Variants in RARB observed in about 807,000 individuals in gnomAD.
RARB encodes the protein HBV-activated protein.
Under a neutral mutation model 51.9 loss-of-function variants are expected in RARB, and 17 were observed. That is an observed-to-expected ratio of 0.33 (90% CI 0.22 to 0.49). The LOEUF is 0.49. Among genes scored for constraint, RARB ranks in the 20% least tolerant of loss-of-function variants. The probability of loss-of-function intolerance (pLI) is 0.99; values close to 1 mark genes in which losing one functional copy is unlikely to be tolerated. For synonymous variants in RARB, 215 were observed against 195.4 expected (o/e 1.10, Z -0.84); for missense variants, 369 against 550.8 (o/e 0.67, Z 3.30).
intron 5 of RARB, among the ~76,000 whole-genome samples, chr3:25,286,131 A>T (rs573204633): frequency 8.3e-6 from 1 of 119,874 alleles, no homozygotes; most frequent in Non-Finnish European, 1.6e-5. Flanking sequence ...CTCTGTCACC[A>T]AGGCTGGAGT....
At chr3:25,484,591 TATAAC>T (rs1406353844) in intron 2 of RARB, among the ~76,000 whole-genome samples, 3 of 152,196 alleles carry the variant, frequency 2.0e-5, no homozygotes, top group Non-Finnish European at 2.9e-5. Flanking sequence ...AAAAAATTAA[TATAAC>T]ATATGAAAAT....
chr3:25,008,351 C>G (rs549217859), intron 2 of RARB, among the ~76,000 whole-genome samples: 1 of 152,280 alleles, frequency 6.6e-6, no homozygotes, highest in Admixed American at 6.5e-5. Flanking sequence ...GACCGCTCCT[C>G]TGACTTGAAT....
chr3:25,081,604 TATATATATA>T (rs1456261184), intron 3 of RARB, among the ~76,000 whole-genome samples: 8 of 14,822 alleles, frequency 5.4e-4, no homozygotes, highest in East Asian at 2.2e-3. Context: ...TATATATATA[TATATATATA>T]TATATATATT....
chr3:25,487,698 T>C (rs1696537901), intron 2 of RARB, among the ~76,000 whole-genome samples: 1 of 152,200 alleles, frequency 6.6e-6, no homozygotes, highest in African/African-American at 2.4e-5. Flanking sequence ...AAATTACACA[T>C]TAATTCAGAA....
intron 5 of RARB, among the ~76,000 whole-genome samples, chr3:25,277,034 G>C (rs1253391243): frequency 1.3e-5 from 2 of 152,108 alleles, no homozygotes; most frequent in Non-Finnish European, 2.9e-5. Context: ...AAAAGAAATA[G>C]GAATGAGGAG....
chr3:25,377,976 T>C (rs1706513816), intron 5 of RARB, among the ~76,000 whole-genome samples: 1 of 152,138 alleles, frequency 6.6e-6, no homozygotes, highest in Non-Finnish European at 1.5e-5. Flanking sequence ...AATTCAAAAA[T>C]ATTTGTTAGG....
intron 2 of RARB, among the ~76,000 whole-genome samples, chr3:24,993,655 A>ATCCT (rs535425039): frequency 1.6e-4 from 25 of 152,122 alleles, no homozygotes; most frequent in Middle Eastern, 3.4e-3. Context: ...ATCTGTCCCT[A>ATCCT]TCCTTCCCTT....
At chr3:25,452,942 C>T (rs1190983007) in intron 1 of RARB, among the ~76,000 whole-genome samples, 1 of 152,174 alleles carries the variant, frequency 6.6e-6, no homozygotes, top group Non-Finnish European at 1.5e-5. Flanking sequence ...TGCCAAAGTT[C>T]TGTGAGAGTG....
intron 5 of RARB, among the ~76,000 whole-genome samples, chr3:25,252,609 T>G (rs1024777689): frequency 2.0e-5 from 3 of 152,232 alleles, no homozygotes; most frequent in African/African-American, 4.8e-5. Context: ...TGGTTGCTAT[T>G]ACAGTCAGGA....
intron 3 of RARB, among the ~76,000 whole-genome samples, chr3:25,507,065 G>A (rs1697642659): frequency 6.6e-6 from 1 of 152,134 alleles, no homozygotes; most frequent in African/African-American, 2.4e-5. Context: ...CCCCAACCCT[G>A]TTTTCTCACA....
At chr3:24,919,094 T>A (rs2125385494) in intron 2 of RARB, among the ~76,000 whole-genome samples, 1 of 152,294 alleles carries the variant, frequency 6.6e-6, no homozygotes, top group South Asian at 2.1e-4. Flanking sequence ...CATAGTAATT[T>A]TAACAAAATT....
chr3:24,972,450 T>C (rs1028765518), intron 2 of RARB, among the ~76,000 whole-genome samples: 1 of 152,112 alleles, frequency 6.6e-6, no homozygotes, highest in African/African-American at 2.4e-5. Context: ...GCAATAAACA[T>C]TGCAGTAGAG....
intron 2 of RARB, among the ~76,000 whole-genome samples, chr3:24,938,981 T>TTTG (rs71057691): frequency 0.48 from 70,933 of 148,244 alleles, 17,177 homozygotes; most frequent in African/African-American, 0.53. Flanking sequence ...CATTTAGTTT[T>TTTG]TTGTTGTTGT....
chr3:25,207,123 G>A (rs548808766), intron 5 of RARB, among the ~76,000 whole-genome samples: 14 of 152,206 alleles, frequency 9.2e-5, no homozygotes, highest in Admixed American at 5.2e-4. Flanking sequence ...GAAGCTCAGG[G>A]GAAAATGTAT....
intron 2 of RARB, among the ~76,000 whole-genome samples, chr3:24,975,206 G>A (rs1696484562): frequency 6.6e-6 from 1 of 152,150 alleles, no homozygotes; most frequent in African/African-American, 2.4e-5. Context: ...CTGTCATGGT[G>A]AGAAGTAGCA....
chr3:25,463,673 A>G, intron 2 of RARB, among the ~76,000 whole-genome samples: 1 of 152,112 alleles, frequency 6.6e-6, no homozygotes, highest in African/African-American at 2.4e-5. Context: ...AAAAAAAAAA[A>G]AAGATTGTAC....
At chr3:24,863,403 C>A (rs1216701415) in intron 2 of RARB, among the ~76,000 whole-genome samples, 1 of 152,154 alleles carries the variant, frequency 6.6e-6, no homozygotes, top group Non-Finnish European at 1.5e-5. Context: ...CACTTGGAGT[C>A]TCTATCTCGG....
At chr3:24,906,226 T>C (rs898954060) in intron 2 of RARB, among the ~76,000 whole-genome samples, 2 of 152,114 alleles carry the variant, frequency 1.3e-5, no homozygotes, top group African/African-American at 2.4e-5. Context: ...AAGTAGTCTA[T>C]TTGGGAGAGT....
intron 2 of RARB, among the ~76,000 whole-genome samples, chr3:25,476,823 T>C (rs1188764386): frequency 6.6e-6 from 1 of 152,218 alleles, no homozygotes; most frequent in East Asian, 1.9e-4. Context: ...TGGTACTGAT[T>C]ACTATTTGAA....
Sources: gnomAD v4.1 joint callset for allele counts (sites outside exome capture counted in the v4.1 genomes callset) on GRCh38, gnomAD v4.1.1 for gene constraint, MANE v1.5 for transcripts, NCBI Gene and HGNC (gene_info 2026-07-23, HGNC 2026-07-21) for gene names.